The following ADTRP variants were observed in gnomAD, a reference collection of about 807,000 sequenced individuals.
ADTRP encodes androgen dependent TFPI regulating protein, also known as androgen-dependent TFPI-regulating protein.
ADTRP carries 20 observed loss-of-function variants against 27.0 expected under a neutral mutation model. The observed-to-expected ratio is 0.74, with a 90% CI of 0.52 to 1.08. The LOEUF (loss-of-function observed/expected upper bound fraction) is 1.08. ADTRP is among the 50% of genes least tolerant of loss of function. The pLI is 0.00. For synonymous variants in ADTRP, 101 were observed against 105.2 expected (o/e 0.96, Z 0.25); for missense variants, 251 against 275.0 (o/e 0.91, Z 0.62).
At chr6:11,731,705 C>T (rs1375356559) in intron 4 of ADTRP, among the ~76,000 whole-genome samples, 2 of 152,136 alleles carry the variant, frequency 1.3e-5, no homozygotes, top group Admixed American at 1.3e-4. Flanking sequence ...CCACAGTGCC[C>T]TTCCCACACC....
At chr6:11,745,016 G>C (rs1762823963) in intron 3 of ADTRP, among the ~76,000 whole-genome samples, 1 of 152,288 alleles carries the variant, frequency 6.6e-6, no homozygotes, top group East Asian at 1.9e-4. Context: ...CATGACAGAT[G>C]TTTCCACACT....
At chr6:11,759,609 GAGACCTAGGTTTGCATTCAGTGGTGTT>G (rs1164188995) in intron 3 of ADTRP, among the ~76,000 whole-genome samples, 1 of 152,152 alleles carries the variant, frequency 6.6e-6, no homozygotes, top group Non-Finnish European at 1.5e-5. Flanking sequence ...TTACAATGCA[GAGACCTAGGTTTGCATTCAGTGGTGTT>G]ATCTTATAGC....
At chr6:11,774,026 G>A (rs1207979407) in intron 1 of ADTRP, among the ~76,000 whole-genome samples, 1 of 152,112 alleles carries the variant, frequency 6.6e-6, no homozygotes, top group Non-Finnish European at 1.5e-5. Flanking sequence ...AGTGCCATAG[G>A]GGTTGGGTGC....
chr6:11,774,133 C>T (rs1432416329), intron 1 of ADTRP, among the ~76,000 whole-genome samples: 1 of 136,810 alleles, frequency 7.3e-6, no homozygotes, highest in African/African-American at 2.7e-5. Flanking sequence ...ATGGTGCAAC[C>T]CCATCTCTAC....
At chr6:11,745,800 G>GTT (rs139597469) in intron 3 of ADTRP, among the ~76,000 whole-genome samples, 7 of 150,952 alleles carry the variant, frequency 4.6e-5, no homozygotes, top group East Asian at 3.9e-4. Flanking sequence ...TTTCTTTTTT[G>GTT]TTTTTTTTGA....
intron 3 of ADTRP, among the ~76,000 whole-genome samples, chr6:11,753,874 A>G (rs1763128964): frequency 6.6e-6 from 1 of 152,208 alleles, no homozygotes; most frequent in South Asian, 2.1e-4. Flanking sequence ...GCTCCTGATC[A>G]GTAGGCCTGT....
chr6:11,762,434 C>A (rs1323657069), intron 3 of ADTRP, among the ~76,000 whole-genome samples: 1 of 152,248 alleles, frequency 6.6e-6, no homozygotes. Flanking sequence ...CATAGTGTCA[C>A]ACGCATAGTG....
At chr6:11,730,746 T>G (rs1762356074) in intron 4 of ADTRP, among the ~76,000 whole-genome samples, 1 of 152,228 alleles carries the variant, frequency 6.6e-6, no homozygotes, top group Non-Finnish European at 1.5e-5. Flanking sequence ...TTTACAAACA[T>G]CTGCCCCAAG....
chr6:11,723,636 T>C lies in ADTRP; in HGVS notation c.507-136A>G, dbSNP rs2113876418. 3.1e-6 allele frequency: 3 copies of C among 974,882 alleles called. No homozygotes were observed. In the South Asian group the frequency reaches 4.9e-5, roughly 16 times the overall value. 60.4% of individuals were successfully genotyped at this position (974,882 alleles called of 1,614,324 possible). On this transcript the variant is annotated intron_variant, in intron 4 of 5. Coordinates refer to ENST00000414691, the MANE Select transcript of ADTRP (RefSeq NM_032744.4). Reference sequence around the variant, plus strand: ...GGGACGTTTGTCAACAGCTGTAGTATTCCCACAAACCTAAAGAAGTGAGGC... The same window carrying C: ...GGGACGTTTGTCAACAGCTGTAGTACTCCCACAAACCTAAAGAAGTGAGGC...
intron 3 of ADTRP, among the ~76,000 whole-genome samples, chr6:11,762,416 AT>A (rs1321436508): frequency 1.3e-5 from 2 of 152,244 alleles, no homozygotes; most frequent in Non-Finnish European, 2.9e-5. Context: ...CCCTCAATAA[AT>A]ATCAATCATA....
intron 3 of ADTRP, among the ~76,000 whole-genome samples, chr6:11,739,199 A>T (rs1449511032): frequency 6.6e-6 from 1 of 152,248 alleles, no homozygotes; most frequent in Non-Finnish European, 1.5e-5. Context: ...ACAGTTTCTC[A>T]GTTTCCCTTA....
At chr6:11,769,991 C>T (rs999978050) in intron 1 of ADTRP, 2 of 1,548,816 alleles carry the variant, frequency 1.3e-6, no homozygotes, top group Admixed American at 2.0e-5. Flanking sequence ...TATCATTAGA[C>T]TCCCCCGCCC....
At chr6:11,722,273 T>C (rs1762044600) in intron 5 of ADTRP, among the ~76,000 whole-genome samples, 1 of 152,078 alleles carries the variant, frequency 6.6e-6, no homozygotes, top group African/African-American at 2.4e-5. Context: ...TCTCCAAGAG[T>C]AGAAAACATG....
chr6:11,749,590 C>A (rs576009489), intron 3 of ADTRP, among the ~76,000 whole-genome samples: 6 of 151,818 alleles, frequency 4.0e-5, no homozygotes, highest in Admixed American at 2.0e-4. Context: ...GGGATCCAAG[C>A]GGAAACCGAG....
At chr6:11,762,563 T>C (rs1763427753) in intron 3 of ADTRP, among the ~76,000 whole-genome samples, 1 of 152,240 alleles carries the variant, frequency 6.6e-6, no homozygotes, top group Non-Finnish European at 1.5e-5. Flanking sequence ...CAATAGCAGA[T>C]TGTTTTGAAA....
intron 3 of ADTRP, among the ~76,000 whole-genome samples, chr6:11,750,558 C>T (rs1180624594): frequency 6.6e-6 from 1 of 152,224 alleles, no homozygotes; most frequent in African/African-American, 2.4e-5. Context: ...CAAGCAATCA[C>T]GTTATGATCA....
intron 4 of ADTRP, among the ~76,000 whole-genome samples, chr6:11,723,974 C>A (rs569822797): frequency 6.6e-6 from 1 of 152,126 alleles, no homozygotes; most frequent in Non-Finnish European, 1.5e-5. Context: ...GAAGAAGAAT[C>A]GCTTGAACCT....
At chr6:11,715,667 T>A (rs1761791827) in intron 5 of ADTRP, among the ~76,000 whole-genome samples, 1 of 94,210 alleles carries the variant, frequency 1.1e-5, no homozygotes, top group African/African-American at 3.3e-5. Context: ...TTTTTTTTTT[T>A]TTTGAGACAA....
At chr6:11,772,936 G>A (rs1763831762) in intron 1 of ADTRP, among the ~76,000 whole-genome samples, 1 of 152,190 alleles carries the variant, frequency 6.6e-6, no homozygotes, top group Admixed American at 6.5e-5. Flanking sequence ...GAGCATCAAG[G>A]GACAGGTTGG....
Sources: allele counts gnomAD v4.1 joint callset (sites outside exome capture counted in the v4.1 genomes callset), GRCh38; gene constraint gnomAD v4.1.1; transcripts MANE v1.5; gene names NCBI Gene and HGNC (gene_info 2026-07-23, HGNC 2026-07-21).